Variants in VPS4A observed in about 807,000 individuals in gnomAD.
The protein encoded by VPS4A is vacuolar protein sorting-associated protein 4A.
Under a neutral mutation model 52.3 loss-of-function variants are expected in VPS4A, and 20 were observed. The ratio of observed to expected loss-of-function variants is 0.38; its 90% CI spans 0.27 to 0.56. VPS4A has a LOEUF of 0.56. Among genes scored for constraint, VPS4A ranks in the 20% least tolerant of loss-of-function variants. The probability of loss-of-function intolerance (pLI) is 0.72; values close to 1 mark genes in which losing one functional copy is unlikely to be tolerated. For synonymous variants in VPS4A, 293 were observed against 227.7 expected (o/e 1.29, Z -2.58); for missense variants, 419 against 575.9 (o/e 0.73, Z 2.79).
At chr16:69,324,157 TGGG>T (rs1965553046) in intron 10 of VPS4A, 48 bp from the exon 11 acceptor site, 6 of 1,580,004 alleles carry the variant, frequency 3.8e-6, no homozygotes, top group Non-Finnish European at 5.2e-6. Flanking sequence ...GAGGGGAGGT[TGGG>T]GACCTGGAGC....
rs925245828 is a variant in VPS4A, at chr16:69,320,930, G to A, written c.852-121G>A. Reference sequence around the variant, plus strand: ...TTTGTGAGGCTGGCTTGTTGAGGATGTGCCGCCAGCATCACTGGCCCATGA... The same window carrying A: ...TTTGTGAGGCTGGCTTGTTGAGGATATGCCGCCAGCATCACTGGCCCATGA... On this transcript the variant is annotated intron_variant, in intron 8 of 10. Coordinates refer to ENST00000254950, the MANE Select transcript of VPS4A (RefSeq NM_013245.3). This position sits in a 1 kb window ranked among gnomAD's most constrained non-coding sequence, Gnocchi z 4.2. 4.0e-6 allele frequency: 5 copies of A among 1,239,190 alleles called. No homozygotes were observed. In the African/African-American group the frequency reaches 7.5e-5, roughly 18 times the overall value. 76.8% of individuals were successfully genotyped at this position (1,239,190 alleles called of 1,614,324 possible).
At chr16:69,323,916 C>T (rs1965547591) in intron 10 of VPS4A, among the ~76,000 whole-genome samples, 2 of 146,252 alleles carry the variant, frequency 1.4e-5, no homozygotes, top group African/African-American at 5.1e-5. Flanking sequence ...TGCCACTGCA[C>T]TCCAGCCTGG....
rs923340599 is a variant in VPS4A at position 69,325,892 on chromosome 16, A to C, written c.*1583A>C. On this transcript the variant is annotated 3_prime_UTR_variant, in exon 11 of 11. Transcript: ENST00000254950. ...CAGAAGGGGTCCCCCATCCCCACTCATCTGTGTTGCCTGCCCAGATAGCCC... is the reference window on the plus strand; with the variant it reads ...CAGAAGGGGTCCCCCATCCCCACTCCTCTGTGTTGCCTGCCCAGATAGCCC... The C allele has an allele frequency of 6.6e-6, 1 of 152,232 alleles. No individual in the cohort carries two copies. Among genetic ancestry groups the C allele is most frequent in the African/African-American group, 2.4e-5 (1 of 41,392 alleles). 9.4% of individuals were successfully genotyped at this position (152,232 alleles called of 1,614,324 possible). A position where few individuals can be genotyped will look rare whatever the true frequency, so the allele number is the denominator to read the frequency against.
intron 3 of VPS4A, among the ~76,000 whole-genome samples, chr16:69,316,809 A>C (rs1597211921): frequency 2.0e-5 from 3 of 152,286 alleles, no homozygotes; most frequent in East Asian, 3.9e-4. Context: ...TGTGACTGTC[A>C]AAGAGTCACC....
At chr16:69,312,738 G>C (rs750413746) in intron 1 of VPS4A, among the ~76,000 whole-genome samples, 3 of 150,560 alleles carry the variant, frequency 2.0e-5, no homozygotes, top group South Asian at 2.1e-4. Context: ...TCAGCCTCCT[G>C]AGTAGCTGGG....
chr16:69,319,630 G>A, intron 6 of VPS4A, 87 bp downstream of exon 6: 2 of 1,489,604 alleles, frequency 1.3e-6, no homozygotes, highest in African/African-American at 1.6e-5. Context: ...ACCTCTCAGA[G>A]GAGTGGTTTG....
At chr16:69,317,953 C>CAAAAA (rs35907075) in intron 3 of VPS4A, among the ~76,000 whole-genome samples, 5 of 46,048 alleles carry the variant, frequency 1.1e-4, no homozygotes, top group Admixed American at 2.4e-4. Flanking sequence ...GGCACCATCT[C>CAAAAA]AAAAAAAAAA....
Position 69,320,451 on chromosome 16 carries a change from C to A in VPS4A, c.769+162C>A. 9.3e-7 allele frequency: 1 copy of A among 1,070,060 alleles called. No individual in the cohort carries two copies. The highest frequency in any genetic ancestry group is 1.3e-6 in the Non-Finnish European group (1 of 755,006). The allele number at this position is 1,070,060 out of a possible 1,614,324, so 66.3% of individuals were successfully genotyped here. ...GGTGGACTTCAATTCCCAAGAGGTGCCTGAGGCCTCTGCCTCACGGGCCAC... is the reference window on the plus strand; with the variant it reads ...GGTGGACTTCAATTCCCAAGAGGTGACTGAGGCCTCTGCCTCACGGGCCAC... On this transcript the variant is annotated intron_variant, in intron 7 of 10. Coordinates refer to ENST00000254950, the MANE Select transcript of VPS4A (RefSeq NM_013245.3). The surrounding 1 kb of genome is among the most constrained non-coding windows in gnomAD (Gnocchi z 4.2).
chr16:69,323,943 CCAAAA>C lies in VPS4A; in HGVS notation c.1213-264_1213-260del, dbSNP rs1210172686. Among the ~76,000 whole-genome samples, 589 of 108,642 alleles carry C rather than the reference CCAAAA, an allele frequency of 5.4e-3. 7 individuals are homozygous for C. Among genetic ancestry groups the C allele is most frequent in the African/African-American group, 0.022 (564 of 25,682 alleles). 71.3% of individuals were successfully genotyped at this position (108,642 alleles called of 152,430 possible). A position where few individuals can be genotyped will look rare whatever the true frequency, so the allele number is the denominator to read the frequency against. On this transcript the variant is annotated intron_variant, in intron 10 of 10. Transcript: ENST00000254950. Reference sequence around the variant, plus strand: ...CCAGCCTGGGTGACAGACTCCGTCTCCAAAAAAAAAAAAAAAAAAAAAGAAAGCAA... The same window carrying C: ...CCAGCCTGGGTGACAGACTCCGTCTCAAAAAAAAAAAAAAAAAGAAAGCAA...
chr16:69,316,743 C>T (rs995437364), intron 3 of VPS4A, among the ~76,000 whole-genome samples: 2 of 152,304 alleles, frequency 1.3e-5, no homozygotes, highest in African/African-American at 4.8e-5. Context: ...AGTGAGATGA[C>T]GTGGGCAGTG....
Position 69,320,042 on chromosome 16 carries a change from G to T in VPS4A, c.621-99G>T. 6.8e-7 allele frequency: 1 copy of T among 1,460,854 alleles called. No homozygotes were observed. Among genetic ancestry groups the T allele is most frequent in the Non-Finnish European group, 9.2e-7 (1 of 1,087,634 alleles). The allele number at this position is 1,460,854 out of a possible 1,614,324, so 90.5% of individuals were successfully genotyped here. On this transcript the variant is annotated intron_variant, in intron 6 of 10. Coordinates refer to ENST00000254950, the MANE Select transcript of VPS4A (RefSeq NM_013245.3). This position sits in a 1 kb window ranked among gnomAD's most constrained non-coding sequence, Gnocchi z 4.2. The stretch of plus-strand genomic sequence containing the variant: ...CGCAATTCCGGCATGACCGTGGCCT[G>T]CGCCTCCCTGTGGGAAGGGTGAGAA...
chr16:69,323,503 G>A (rs16958751), intron 10 of VPS4A: 13,518 of 368,086 alleles, frequency 0.037, 276 homozygotes, highest in Middle Eastern at 0.05. Flanking sequence ...ATAATATGAC[G>A]TCAATCCATG....
At position 69,325,510 on chromosome 16, in the gene VPS4A, CG is replaced by C. The variant is rs1376432099; in HGVS notation, c.*1203del. The C allele has an allele frequency of 2.0e-5, 3 of 151,568 alleles. No individual in the cohort carries two copies. The highest frequency in any genetic ancestry group is 1.3e-4 in the Admixed American group (2 of 15,182). 9.4% of individuals were successfully genotyped at this position (151,568 alleles called of 1,614,324 possible). On this transcript the variant is annotated 3_prime_UTR_variant, in exon 11 of 11. Coordinates refer to ENST00000254950, the MANE Select transcript of VPS4A (RefSeq NM_013245.3). Reference sequence around the variant, plus strand: ...CAGCACTTTGGGAGGCCGACGCGGGCGGATCACAAGGTCAGGAAATCGAGAA... The same window carrying C: ...CAGCACTTTGGGAGGCCGACGCGGGCGATCACAAGGTCAGGAAATCGAGAA...
In VPS4A at chr16:69,320,993, T is replaced by C; in HGVS notation, c.852-58T>C. 6.6e-7 allele frequency: 1 copy of C among 1,510,040 alleles called. No homozygotes were observed. Among genetic ancestry groups the C allele is most frequent in the Non-Finnish European group, 9.0e-7 (1 of 1,110,374 alleles). 93.5% of individuals were successfully genotyped at this position (1,510,040 alleles called of 1,614,324 possible). On this transcript the variant is annotated intron_variant, in intron 8 of 10. Coordinates refer to ENST00000254950, the MANE Select transcript of VPS4A (RefSeq NM_013245.3). This position sits in a 1 kb window ranked among gnomAD's most constrained non-coding sequence, Gnocchi z 4.2. ...TCACTCAAATCTTCGTGCCTCCCCT[T>C]CCGTGAATACCATTCCATCATCCGC...
Position 69,311,378 on chromosome 16 carries a change from G to C in VPS4A, c.-134G>C. 4 of 1,012,170 alleles carry C rather than the reference G, an allele frequency of 4.0e-6. No homozygotes were observed. Among genetic ancestry groups the C allele is most frequent in the South Asian group, 5.0e-5 (1 of 20,152 alleles). 62.7% of individuals were successfully genotyped at this position (1,012,170 alleles called of 1,614,324 possible). A position where few individuals can be genotyped will look rare whatever the true frequency, so the allele number is the denominator to read the frequency against. On this transcript the variant is annotated 5_prime_UTR_variant, in exon 1 of 11. Coordinates refer to ENST00000254950, the MANE Select transcript of VPS4A (RefSeq NM_013245.3). ...CTCGGACTCGGCTCCCGCTGCGAGCGGCCGCCCTGCCCGCGCACCGCGCTC... is the reference window on the plus strand; with the variant it reads ...CTCGGACTCGGCTCCCGCTGCGAGCCGCCGCCCTGCCCGCGCACCGCGCTC...
chr16:69,316,348 A>G lies in VPS4A; in HGVS notation c.257A>G (p.Lys86Arg). 2.5e-6 allele frequency: 4 copies of G among 1,613,838 alleles called. No individual in the cohort carries two copies. Among genetic ancestry groups the G allele is most frequent in the Non-Finnish European group, 1.7e-6 (2 of 1,179,848 alleles). Reference protein sequence around the residue: ...SKEKHGKKPVKENQSEGKGSD... With the variant: ...SKEKHGKKPVRENQSEGKGSD... ...GAGAAACACGGCAAGAAGCCAGTCA[A>G]AGAGAACCAGAGTGAGGGCAAGGGG... The change falls in exon 3 of 11, where the codon AAA becomes AGA. Residue 86 changes from lysine (K) to arginine (R), a missense_variant. Around this residue, in one of 3 missense-constraint regions of VPS4A, gnomAD observed 131 missense variants for 165.4 expected, o/e 0.79. Transcript: ENST00000254950.
intron 1 of VPS4A, among the ~76,000 whole-genome samples, 191 bp from the exon 2 acceptor site, chr16:69,315,817 G>A (rs1039233500): frequency 5.3e-5 from 8 of 152,136 alleles, no homozygotes; most frequent in African/African-American, 1.4e-4. Context: ...GAAGATGGCC[G>A]GCTGGTTTTC....
chr16:69,322,251 T>TA (rs1965522475), intron 9 of VPS4A: 1 of 223,084 alleles, frequency 4.5e-6, no homozygotes, highest in South Asian at 1.2e-4. Context: ...GGGAGATAGA[T>TA]ACAGTTCAAG....
chr16:69,316,443 G>A, intron 3 of VPS4A, 71 bp downstream of exon 3: 5 of 1,579,204 alleles, frequency 3.2e-6, no homozygotes, highest in Non-Finnish European at 3.4e-6. Context: ...TGGCGCTCAT[G>A]CTGCCTTGGA....
Sources: gnomAD v4.1 joint callset for allele counts (sites outside exome capture counted in the v4.1 genomes callset) on GRCh38, gnomAD v4.1.1 for gene constraint, gnomAD v4.1.1 regional missense constraint, Gnocchi (gnomAD v3.1) non-coding constraint, MANE v1.5 for transcripts, NCBI Gene and HGNC (gene_info 2026-07-23, HGNC 2026-07-21) for gene names.